LMX1A: variants seen among roughly 807,000 people sequenced by gnomAD.
LMX1A encodes LIM homeobox transcription factor 1 alpha, also known as LIM homeobox transcription factor 1-alpha.
In LMX1A, 15 loss-of-function variants were observed where a neutral mutation model predicts 49.1. The observed-to-expected ratio is 0.31, with a 90% confidence interval of 0.20 to 0.47. The LOEUF (loss-of-function observed/expected upper bound fraction) is 0.47. Ranked by LOEUF, LMX1A falls within the 20% of genes least tolerant of loss-of-function variation. LMX1A has a pLI of 1.00. For missense variants in LMX1A, 372 were observed against 475.8 expected, an observed-to-expected ratio of 0.78 and a Z score of 2.03; for synonymous variants, 167 against 185.7, an observed-to-expected ratio of 0.90 and a Z score of 0.82.
intron 3 of LMX1A, among the ~76,000 whole-genome samples, chr1:165,287,577 G>A (rs530287728): frequency 6.6e-6 from 1 of 151,918 alleles, no homozygotes; most frequent in South Asian, 2.1e-4. Context: ...CTCTGCCCAG[G>A]TCTCCCAGCC....
chr1:165,212,874 C>T (rs1024880394), intron 5 of LMX1A: 1 of 152,202 alleles, frequency 6.6e-6, no homozygotes, highest in South Asian at 2.1e-4. Flanking sequence ...TTCTGGCCAA[C>T]ACATATGAGG....
intron 3 of LMX1A, among the ~76,000 whole-genome samples, chr1:165,338,649 CA>C (rs1655973976): frequency 2.0e-5 from 3 of 152,206 alleles, no homozygotes. Context: ...GAGCGCAGTC[CA>C]AACTAAGGTC....
intron 3 of LMX1A, among the ~76,000 whole-genome samples, chr1:165,331,179 G>A (rs1371111011): frequency 1.3e-5 from 2 of 152,152 alleles, no homozygotes; most frequent in South Asian, 4.1e-4. Context: ...CCCAGATGCT[G>A]GAATTAGCTG....
chr1:165,324,274 T>C (rs1655506281), intron 3 of LMX1A, among the ~76,000 whole-genome samples: 2 of 152,208 alleles, frequency 1.3e-5, no homozygotes, highest in African/African-American at 4.8e-5. Context: ...TGTGAGCAGC[T>C]GAACTCAGGG....
At chr1:165,210,092 G>A (rs903621524) in intron 6 of LMX1A, among the ~76,000 whole-genome samples, 1 of 152,218 alleles carries the variant, frequency 6.6e-6, no homozygotes. Context: ...CATAGAGTTT[G>A]TTTTTTCCTC....
At chr1:165,249,376 C>T (rs1652968052) in intron 4 of LMX1A, 32 bp downstream of exon 4, 1 of 1,509,840 alleles carries the variant, frequency 6.6e-7, no homozygotes, top group Non-Finnish European at 9.2e-7. Context: ...CTACCCACCC[C>T]ACCGCAGCCC....
intron 3 of LMX1A, among the ~76,000 whole-genome samples, chr1:165,331,263 T>C (rs1655734574): frequency 6.6e-6 from 1 of 152,124 alleles, no homozygotes; most frequent in African/African-American, 2.4e-5. Flanking sequence ...AAGGAAATGA[T>C]AGGAAATACC....
At position 165,215,694 on chromosome 1, in the gene LMX1A, C is replaced by A. The variant is rs16841177; in HGVS notation, c.497-1881G>T. ...TTCCTTCCACGAACATTTGAACATA[C>A]AAGGTTGAACATGAAGGGAACACTA... is the stretch of plus-strand genomic sequence containing the variant. On this transcript the variant is annotated intron_variant, in intron 4 of 8. Coordinates refer to ENST00000342310, the MANE Select transcript of LMX1A (RefSeq NM_177398.4). Among the ~76,000 whole-genome samples the A allele has an allele frequency of 9.1e-3, 1,389 of 152,224 alleles. 13 individuals carry two copies. Among genetic ancestry groups the A allele is most frequent in the African/African-American group, 0.031 (1,291 of 41,518 alleles).
At chr1:165,348,189 G>A (rs1656307185) in intron 3 of LMX1A, among the ~76,000 whole-genome samples, 1 of 152,124 alleles carries the variant, frequency 6.6e-6, no homozygotes, top group Non-Finnish European at 1.5e-5. Context: ...TTTTAAAAAT[G>A]TGTTCCATTT....
intron 3 of LMX1A, among the ~76,000 whole-genome samples, chr1:165,298,098 A>G (rs938530812): frequency 6.6e-6 from 1 of 152,160 alleles, no homozygotes; most frequent in Non-Finnish European, 1.5e-5. Context: ...AAGAGTTGAA[A>G]CCTAAAATGT....
intron 6 of LMX1A, among the ~76,000 whole-genome samples, chr1:165,209,057 G>C (rs530897330): frequency 6.6e-6 from 1 of 152,296 alleles, no homozygotes; most frequent in South Asian, 2.1e-4. Context: ...CTGTGTGTAG[G>C]AAACACTAGA....
chr1:165,213,497 C>A, intron 5 of LMX1A, 144 bp downstream of exon 5: 1 of 732,848 alleles, frequency 1.4e-6, no homozygotes, highest in South Asian at 1.9e-5. Flanking sequence ...GAGTCTCCAA[C>A]AGGCTTGAGC....
intron 3 of LMX1A, among the ~76,000 whole-genome samples, chr1:165,343,919 T>G (rs1352275895): frequency 6.6e-6 from 1 of 152,228 alleles, no homozygotes; most frequent in Non-Finnish European, 1.5e-5. Flanking sequence ...TTCAGAAGAA[T>G]AGAACATTAT....
chr1:165,315,762 C>T (rs762598484), intron 3 of LMX1A, among the ~76,000 whole-genome samples: 1 of 152,194 alleles, frequency 6.6e-6, no homozygotes, highest in African/African-American at 2.4e-5. Context: ...CCCATCCACC[C>T]CTGACACATG....
intron 3 of LMX1A, among the ~76,000 whole-genome samples, chr1:165,341,944 C>A (rs2101763319): frequency 6.6e-6 from 1 of 152,290 alleles, no homozygotes; most frequent in African/African-American, 2.4e-5. Context: ...ATTCCACATG[C>A]AACTAGGTAA....
intron 3 of LMX1A, among the ~76,000 whole-genome samples, chr1:165,295,519 T>C (rs1403245491): frequency 1.3e-5 from 2 of 150,830 alleles, no homozygotes; most frequent in Non-Finnish European, 1.5e-5. Context: ...CTTGACAAAC[T>C]TGAAGATTCA....
chr1:165,258,731 G>A (rs142082579), intron 3 of LMX1A, among the ~76,000 whole-genome samples: 235 of 152,288 alleles, frequency 1.5e-3, no homozygotes, highest in African/African-American at 5.4e-3. Context: ...CTGGCGATGG[G>A]TGGTTTCTAC....
intron 4 of LMX1A, among the ~76,000 whole-genome samples, chr1:165,245,176 G>A (rs1652797765): frequency 1.3e-5 from 2 of 152,048 alleles, no homozygotes; most frequent in South Asian, 4.2e-4. Flanking sequence ...GAGGTATGGG[G>A]TACAAGTGAT....
intron 3 of LMX1A, among the ~76,000 whole-genome samples, chr1:165,331,057 C>T (rs886856059): frequency 6.6e-6 from 1 of 152,086 alleles, no homozygotes; most frequent in East Asian, 1.9e-4. Flanking sequence ...TTTGAATGAA[C>T]ATAACAATTC....
Sources: allele counts gnomAD v4.1 joint callset (sites outside exome capture counted in the v4.1 genomes callset), GRCh38; gene constraint gnomAD v4.1.1; transcripts MANE v1.5; gene names NCBI Gene and HGNC (gene_info 2026-07-23, HGNC 2026-07-21).